The following KDM6A variants were observed in gnomAD, a reference collection of about 807,000 sequenced individuals.
The protein encoded by KDM6A is lysine-specific demethylase 6A.
A neutral mutation model predicts 117.6 loss-of-function variants in KDM6A; 11 were observed. The observed-to-expected ratio is 0.09, with a 90% confidence interval of 0.06 to 0.15. The LOEUF (loss-of-function observed/expected upper bound fraction) is 0.15, where lower values mean the gene tolerates loss of function less well. KDM6A is among the 10% of genes least tolerant of loss of function. The pLI, the probability that KDM6A is intolerant of heterozygous loss-of-function variation, is 1.00. For synonymous variants in KDM6A, 384 were observed against 396.1 expected, an observed-to-expected ratio of 0.97 and a Z score of 0.36; for missense variants, 799 against 1,077.3, an observed-to-expected ratio of 0.74 and a Z score of 3.62.
At chrX:45,099,831 G>A (rs970780438) in intron 27 of KDM6A, among the ~76,000 whole-genome samples, 1 of 111,321 alleles carries the variant, frequency 9.0e-6, no homozygotes, top group Non-Finnish European at 1.9e-5. Context: ...TCAGGAGATC[G>A]AGACCATCCT....
chrX:45,063,003 A>G (rs768397584), intron 16 of KDM6A, among the ~76,000 whole-genome samples: 1 of 111,654 alleles, frequency 9.0e-6, no homozygotes, highest in South Asian at 3.7e-4. Flanking sequence ...GTTTGTTTAC[A>G]TTATTTAGTA....
intron 2 of KDM6A, among the ~76,000 whole-genome samples, chrX:44,882,691 A>G (rs2032427782): frequency 8.9e-6 from 1 of 112,201 alleles, no homozygotes; most frequent in African/African-American, 3.2e-5. Flanking sequence ...TACAGTAGTT[A>G]AATAAATATT....
intron 7 of KDM6A, among the ~76,000 whole-genome samples, chrX:45,036,554 A>C (rs2042821087): frequency 8.9e-6 from 1 of 112,232 alleles, no homozygotes; most frequent in African/African-American, 3.2e-5. Context: ...TATAGTTTCT[A>C]ATATAAGGTT....
At position 45,059,346 on chromosome X, in the gene KDM6A, A is replaced by G. The variant is rs1313192671; in HGVS notation, c.1074A>G (p.Leu358=). ...DHGHAAAWMD[L]GTLYESCNQP... ...GCCATGCTGCAGCCTGGATGGACCT[A>G]GGCACTCTCTATGAATCCTGCAACC... is the stretch of plus-strand genomic sequence containing the variant. The change falls in exon 12 of 30, where the codon CTA becomes CTG. Residue 358 remains leucine (L), a synonymous_variant. Transcript: ENST00000611820. The G allele has an allele frequency of 8.3e-7, 1 of 1,210,834 alleles. No homozygotes were observed. The highest frequency in any genetic ancestry group is 3.0e-5 in the East Asian group (1 of 33,856).
At chrX:44,897,592 A>T (rs1036619793) in intron 2 of KDM6A, among the ~76,000 whole-genome samples, 29 of 111,011 alleles carry the variant, frequency 2.6e-4, no homozygotes, top group Admixed American at 9.6e-5. Context: ...TTTAAGAGAC[A>T]GGGTCGTGAT....
chrX:44,932,759 AT>A (rs2036711078), intron 2 of KDM6A, among the ~76,000 whole-genome samples: 1 of 111,780 alleles, frequency 8.9e-6, no homozygotes, highest in East Asian at 2.8e-4. Context: ...CTGGTACAGA[AT>A]TTAAAAAACA....
At chrX:44,977,643 T>C (rs973400070) in intron 4 of KDM6A, among the ~76,000 whole-genome samples, 3 of 111,704 alleles carry the variant, frequency 2.7e-5, no homozygotes, top group African/African-American at 9.8e-5. Context: ...GGGTATTTGC[T>C]CCTTTGGGAT....
At chrX:45,034,349 C>A (rs1205513707) in intron 6 of KDM6A, among the ~76,000 whole-genome samples, 3 of 111,883 alleles carry the variant, frequency 2.7e-5, no homozygotes, top group Non-Finnish European at 5.6e-5. Flanking sequence ...AAATTCTATG[C>A]ATATAATGTC....
intron 2 of KDM6A, among the ~76,000 whole-genome samples, chrX:44,937,118 C>CTT (rs534711548): frequency 9.7e-6 from 1 of 103,221 alleles, no homozygotes; most frequent in South Asian, 4.1e-4. Context: ...TACATTGACC[C>CTT]TTTTTTTTTT....
chrX:44,982,767 C>T (rs1052775686), intron 4 of KDM6A, among the ~76,000 whole-genome samples: 1 of 111,564 alleles, frequency 9.0e-6, no homozygotes, highest in Admixed American at 9.6e-5. Flanking sequence ...AGGTTTTCTT[C>T]TGTATGGTCT....
chrX:44,917,628 T>G (rs968718861), intron 2 of KDM6A, among the ~76,000 whole-genome samples: 3 of 111,880 alleles, frequency 2.7e-5, no homozygotes, highest in African/African-American at 9.7e-5. Flanking sequence ...GTGGGTAGGT[T>G]TTATTCCTCC....
At chrX:44,891,398 C>A (rs181408816) in intron 2 of KDM6A, among the ~76,000 whole-genome samples, 8 of 111,536 alleles carry the variant, frequency 7.2e-5, no homozygotes, top group African/African-American at 2.3e-4. Flanking sequence ...TTTTTCTCCA[C>A]TGAATTGCTT....
At chrX:45,051,139 A>C (rs2043826508) in intron 8 of KDM6A, among the ~76,000 whole-genome samples, 1 of 111,170 alleles carries the variant, frequency 9.0e-6, no homozygotes, top group South Asian at 3.8e-4. Flanking sequence ...CCTCCCGAGT[A>C]GCTGGGACTA....
chrX:44,983,863 A>G (rs866491365), intron 4 of KDM6A, among the ~76,000 whole-genome samples: 6 of 109,358 alleles, frequency 5.5e-5, no homozygotes, highest in East Asian at 2.9e-4. Context: ...TAGTGCCGCA[A>G]TAAACATACA....
chrX:44,923,213 G>A (rs977316097), intron 2 of KDM6A, among the ~76,000 whole-genome samples: 3 of 111,198 alleles, frequency 2.7e-5, no homozygotes, highest in Non-Finnish European at 5.7e-5. Context: ...GTTATGTGTT[G>A]TAGTTTCTTT....
intron 3 of KDM6A, among the ~76,000 whole-genome samples, chrX:44,973,982 T>C (rs1280819221): frequency 9.0e-6 from 1 of 111,355 alleles, no homozygotes; most frequent in Non-Finnish European, 1.9e-5. Flanking sequence ...TTCCCCTGCA[T>C]AGTAGTCATT....
intron 2 of KDM6A, among the ~76,000 whole-genome samples, chrX:44,929,417 T>C (rs138111087): frequency 0.038 from 4,235 of 111,211 alleles, 219 homozygotes; most frequent in African/African-American, 0.13. Flanking sequence ...AATCATACAG[T>C]ATGTATTCTT....
At chrX:44,885,824 C>T (rs1001615338) in intron 2 of KDM6A, among the ~76,000 whole-genome samples, 1 of 109,673 alleles carries the variant, frequency 9.1e-6, no homozygotes, top group Middle Eastern at 4.7e-3. Flanking sequence ...GAGCTGAGAT[C>T]ACACCACTGC....
intron 6 of KDM6A, among the ~76,000 whole-genome samples, chrX:45,029,349 C>T (rs112487280): frequency 0.041 from 4,540 of 110,955 alleles, 84 homozygotes; most frequent in Middle Eastern, 0.084. Flanking sequence ...GCAGGAGAAT[C>T]GCTTGACCTG....
Sources: gnomAD v4.1 joint callset for allele counts (sites outside exome capture counted in the v4.1 genomes callset) on GRCh38, gnomAD v4.1.1 for gene constraint, MANE v1.5 for transcripts, NCBI Gene and HGNC (gene_info 2026-07-23, HGNC 2026-07-21) for gene names.